The following RBFOX1 variants were observed in gnomAD, a reference collection of about 807,000 sequenced individuals.
RBFOX1 encodes the protein RNA binding protein fox-1 homolog 1.
In RBFOX1, 8 loss-of-function variants were observed where a neutral mutation model predicts 57.7. The observed-to-expected ratio is 0.14, with a 90% CI of 0.08 to 0.25. The LOEUF is 0.25. RBFOX1 is among the 10% of genes least tolerant of loss of function. The pLI, the probability that RBFOX1 is intolerant of heterozygous loss-of-function variation, is 1.00. For synonymous variants in RBFOX1, 326 were observed against 222.4 expected, an observed-to-expected ratio of 1.47 and a Z score of -4.15; for missense variants, 611 against 548.5, an observed-to-expected ratio of 1.11 and a Z score of -1.14.
chr16:7,653,922 C>A lies in RBFOX1; in HGVS notation c.865C>A (p.Pro289Thr), dbSNP rs778837770. The A allele has an allele frequency of 6.4e-7, 1 of 1,562,880 alleles. No homozygotes were observed. The highest frequency in any genetic ancestry group is 8.6e-7 in the Non-Finnish European group (1 of 1,161,166). The change falls in exon 12 of 16, where the codon CCG becomes ACG. Residue 289 changes from proline (P) to threonine (T), a missense_variant. This residue lies in a region of RBFOX1 where 267 missense variants were observed against 229.1 expected (regional missense o/e 1.17). Transcript: ENST00000550418. ...VYNTFRAAAP[P>T]PPIPAYGGVV... ...CAACACCTTCAGGGCCGCGGCGCCC[C>A]CGCCCCCGATCCCGGCCTACGGCGG...
At chr16:7,240,406 C>A (rs1225257331) in intron 4 of RBFOX1, among the ~76,000 whole-genome samples, 2 of 152,132 alleles carry the variant, frequency 1.3e-5, no homozygotes, top group East Asian at 1.9e-4. Flanking sequence ...ATCTGAAGCC[C>A]TTACAGTTTA....
At chr16:6,904,499 G>T (rs1245392994) in intron 3 of RBFOX1, among the ~76,000 whole-genome samples, 1 of 151,344 alleles carries the variant, frequency 6.6e-6, no homozygotes, top group Non-Finnish European at 1.5e-5. Context: ...TACTCGGGAG[G>T]CCGAGGCAGG....
At chr16:6,721,360 T>G (rs926513203) in intron 3 of RBFOX1, among the ~76,000 whole-genome samples, 1 of 152,168 alleles carries the variant, frequency 6.6e-6, no homozygotes, top group Non-Finnish European at 1.5e-5. Flanking sequence ...AGGGAATCAC[T>G]TGAACCCGGG....
chr16:6,366,863 C>G (rs908027709), intron 2 of RBFOX1, among the ~76,000 whole-genome samples: 4 of 152,186 alleles, frequency 2.6e-5, no homozygotes, highest in African/African-American at 9.6e-5. Context: ...ATGAAAATAT[C>G]AGAGTGGCTC....
At chr16:7,349,875 G>A (rs569857140) in intron 4 of RBFOX1, among the ~76,000 whole-genome samples, 4 of 152,300 alleles carry the variant, frequency 2.6e-5, no homozygotes, top group African/African-American at 4.8e-5. Flanking sequence ...GGCCAGGCAC[G>A]GTGGCTCATG....
intron 1 of RBFOX1, among the ~76,000 whole-genome samples, chr16:5,444,650 C>G (rs1454380249): frequency 6.6e-6 from 1 of 152,102 alleles, no homozygotes; most frequent in East Asian, 1.9e-4. Flanking sequence ...CATGGCTATA[C>G]AGAATGGCCA....
At chr16:6,967,733 G>T (rs1345725443) in intron 3 of RBFOX1, among the ~76,000 whole-genome samples, 1 of 152,042 alleles carries the variant, frequency 6.6e-6, no homozygotes, top group African/African-American at 2.4e-5. Flanking sequence ...TTCTTTAATT[G>T]TTTGTGCCCA....
chr16:5,428,116 GTGTGTC>G (rs1284562326), intron 1 of RBFOX1, among the ~76,000 whole-genome samples: 4 of 99,352 alleles, frequency 4.0e-5, no homozygotes, highest in African/African-American at 1.3e-4. Flanking sequence ...GTGTGTGTGT[GTGTGTC>G]TGTGTGTGTG....
intron 4 of RBFOX1, among the ~76,000 whole-genome samples, chr16:5,891,142 C>T (rs368095805): frequency 6.6e-6 from 1 of 152,206 alleles, no homozygotes; most frequent in Non-Finnish European, 1.5e-5. Context: ...TTCTGCCTCT[C>T]TACCCTCCTT....
intron 1 of RBFOX1, among the ~76,000 whole-genome samples, chr16:5,247,126 A>G (rs537723123): frequency 5.3e-5 from 8 of 152,288 alleles, no homozygotes; most frequent in South Asian, 2.1e-4. Flanking sequence ...ATAGTATTCC[A>G]TTGTGTACAT....
At chr16:6,170,800 G>T (rs2152764558) in intron 1 of RBFOX1, among the ~76,000 whole-genome samples, 1 of 152,122 alleles carries the variant, frequency 6.6e-6, no homozygotes, top group South Asian at 2.1e-4. Flanking sequence ...CTGTGTCCCT[G>T]TGTTCTCTTT....
At chr16:6,948,432 G>A (rs1234678902) in intron 3 of RBFOX1, among the ~76,000 whole-genome samples, 2 of 120,738 alleles carry the variant, frequency 1.7e-5, no homozygotes, top group Non-Finnish European at 3.3e-5. Context: ...TGTTGCCCAG[G>A]CTGGAGTGCA....
intron 4 of RBFOX1, among the ~76,000 whole-genome samples, chr16:7,245,498 A>G (rs1221542528): frequency 6.6e-6 from 1 of 152,190 alleles, no homozygotes; most frequent in Admixed American, 6.5e-5. Context: ...TCAATTCACC[A>G]CTGTTGACCA....
chr16:6,985,767 G>A (rs1025805776), intron 3 of RBFOX1, among the ~76,000 whole-genome samples: 33 of 141,900 alleles, frequency 2.3e-4, no homozygotes, highest in African/African-American at 8.5e-4. Context: ...CCAGGAGGCA[G>A]AGGTTGCAAT....
chr16:6,744,420 A>T (rs901449229), intron 3 of RBFOX1, among the ~76,000 whole-genome samples: 14 of 152,102 alleles, frequency 9.2e-5, no homozygotes, highest in African/African-American at 3.4e-4. Flanking sequence ...ACATAAGGAA[A>T]TGTTTTCAAG....
At chr16:6,341,829 C>G (rs1207354338) in intron 2 of RBFOX1, among the ~76,000 whole-genome samples, 1 of 152,108 alleles carries the variant, frequency 6.6e-6, no homozygotes, top group Non-Finnish European at 1.5e-5. Flanking sequence ...TACACAAAAT[C>G]CAAGAACCGT....
intron 4 of RBFOX1, among the ~76,000 whole-genome samples, chr16:7,234,537 A>G (rs912923166): frequency 3.3e-5 from 5 of 152,058 alleles, no homozygotes; most frequent in African/African-American, 9.6e-5. Context: ...CCTGGATAGT[A>G]TGAAGCATTT....
At chr16:5,799,298 G>A in intron 3 of RBFOX1, among the ~76,000 whole-genome samples, 1 of 152,152 alleles carries the variant, frequency 6.6e-6, no homozygotes. Context: ...CAACACATGG[G>A]AATTATGGGA....
intron 2 of RBFOX1, among the ~76,000 whole-genome samples, chr16:5,592,344 CTTTTG>C (rs1026982159): frequency 6.0e-4 from 90 of 150,944 alleles, no homozygotes; most frequent in African/African-American, 2.0e-3. Context: ...AATTTTAAAT[CTTTTG>C]TTTTGAGGCT....
Sources: gnomAD v4.1 joint callset for allele counts (sites outside exome capture counted in the v4.1 genomes callset) on GRCh38, gnomAD v4.1.1 for gene constraint, gnomAD v4.1.1 regional missense constraint, MANE v1.5 for transcripts, NCBI Gene and HGNC (gene_info 2026-07-23, HGNC 2026-07-21) for gene names.